Variants in DCUN1D2 observed in about 807,000 individuals in gnomAD.
The protein encoded by DCUN1D2 is defective in cullin neddylation 1 domain containing 2.
A neutral mutation model predicts 30.9 loss-of-function variants in DCUN1D2; 29 were observed. That is an observed-to-expected ratio of 0.94 (90% CI 0.70 to 1.28). DCUN1D2 has a LOEUF of 1.28. DCUN1D2 is among the 50% of genes most tolerant of loss of function. The pLI is 0.00. For missense variants in DCUN1D2, 325 were observed against 316.9 expected, an observed-to-expected ratio of 1.03 and a Z score of -0.19; for synonymous variants, 121 against 115.3, an observed-to-expected ratio of 1.05 and a Z score of -0.32.
intron 4 of DCUN1D2, among the ~76,000 whole-genome samples, chr13:113,465,669 CT>C (rs5806991): frequency 0.18 from 24,986 of 135,902 alleles, 2,711 homozygotes; most frequent in East Asian, 0.33. Flanking sequence ...TGTCTATTTG[CT>C]TTTTTTTTTT....
intron 2 of DCUN1D2, among the ~76,000 whole-genome samples, chr13:113,483,552 C>T (rs2044746195): frequency 6.6e-6 from 1 of 152,226 alleles, no homozygotes; most frequent in African/African-American, 2.4e-5. Flanking sequence ...TTTTCCCTGA[C>T]AGGCTGTGCA....
At chr13:113,468,017 C>T (rs1299639328) in intron 4 of DCUN1D2, among the ~76,000 whole-genome samples, 1 of 147,984 alleles carries the variant, frequency 6.8e-6, no homozygotes. Flanking sequence ...GCACTCCAGC[C>T]TGGGCGACAG....
chr13:113,485,040 TG>T (rs2044777095), intron 1 of DCUN1D2, among the ~76,000 whole-genome samples: 1 of 151,974 alleles, frequency 6.6e-6, no homozygotes, highest in African/African-American at 2.4e-5. Context: ...ATCGTGCCAC[TG>T]CACTCCAGCC....
At position 113,484,041 on chromosome 13, in the gene DCUN1D2, A is replaced by C. The variant is rs754862555; in HGVS notation, c.19T>G (p.Ser7Ala). MHKLKS[S>A]QKDKVRQFMA... ...AACTGGCGGACCTTGTCCTTCTGAG[A>C]CGATTTAAGCTTATGCTTTGGGATG... The change falls in exon 2 of 7, where the codon TCT (serine) becomes GCT (alanine). Residue 7 changes from serine to alanine, a missense_variant. Ser to Ala is a moderately conservative substitution (Grantham distance 99). Transcript: ENST00000478244. 3 of 1,613,904 alleles carry C rather than the reference A, an allele frequency of 1.9e-6. No homozygotes were observed. The South Asian group carries it at 3.3e-5, about 18-fold the overall frequency.
intron 2 of DCUN1D2, among the ~76,000 whole-genome samples, chr13:113,483,104 A>G (rs2044738458): frequency 6.6e-6 from 1 of 152,224 alleles, no homozygotes; most frequent in African/African-American, 2.4e-5. Flanking sequence ...AGAAAGAAAA[A>G]GCAAAATAAG....
In DCUN1D2 at chr13:113,480,427, T is replaced by G. The variant is rs572390484; in HGVS notation, c.389+148A>C. The G allele has an allele frequency of 1.9e-5, 11 of 572,816 alleles. No individual in the cohort carries two copies. The South Asian group carries it at 4.4e-4, about 23-fold the overall frequency. 35.5% of individuals were successfully genotyped at this position (572,816 alleles called of 1,614,324 possible). ...AATTAAAAGGAAACCAAAGGCTTGA[T>G]AGTGCGGAGAGTACAGACGCATAAG... On this transcript the variant is annotated intron_variant, in intron 3 of 6. Coordinates refer to ENST00000478244, the MANE Select transcript of DCUN1D2 (RefSeq NM_001014283.2).
At chr13:113,474,102 C>A in intron 4 of DCUN1D2, 22 bp downstream of exon 4, 2 of 1,602,356 alleles carry the variant, frequency 1.2e-6, no homozygotes, top group Non-Finnish European at 1.7e-6. Flanking sequence ...TGGCATTTTA[C>A]GTATTTGGAT....
chr13:113,461,170 C>A (rs994284839), intron 4 of DCUN1D2, 34 bp from the exon 5 acceptor site: 19 of 1,385,362 alleles, frequency 1.4e-5, no homozygotes, highest in Non-Finnish European at 1.8e-5. Flanking sequence ...GTTAGTAAAT[C>A]TCACTCTCTT....
intron 2 of DCUN1D2, among the ~76,000 whole-genome samples, chr13:113,481,876 A>AAAG (rs1249486846): frequency 1.3e-5 from 2 of 151,946 alleles, no homozygotes; most frequent in African/African-American, 4.8e-5. Context: ...AAAAAAAAAA[A>AAAG]AAAAGAAAAA....
At chr13:113,467,914 T>C (rs1005578127) in intron 4 of DCUN1D2, among the ~76,000 whole-genome samples, 13 of 151,632 alleles carry the variant, frequency 8.6e-5, no homozygotes, top group African/African-American at 3.1e-4. Context: ...CGTGGTGGTG[T>C]ATGCCTGTAA....
At chr13:113,474,427 G>T (rs577199390) in intron 3 of DCUN1D2, among the ~76,000 whole-genome samples, 173 bp from the exon 4 acceptor site, 108 of 152,224 alleles carry the variant, frequency 7.1e-4, no homozygotes, top group Non-Finnish European at 1.4e-3. Flanking sequence ...AAGAGAAGAT[G>T]GGGGGGCAAC....
intron 4 of DCUN1D2, among the ~76,000 whole-genome samples, chr13:113,465,386 T>A (rs1015121580): frequency 6.6e-6 from 1 of 152,090 alleles, no homozygotes; most frequent in African/African-American, 2.4e-5. Flanking sequence ...TGAAAAATCA[T>A]GATCGTTACA....
chr13:113,483,380 A>G (rs2044743480), intron 2 of DCUN1D2, among the ~76,000 whole-genome samples: 1 of 152,234 alleles, frequency 6.6e-6, no homozygotes, highest in Non-Finnish European at 1.5e-5. Context: ...TACCCGGGCA[A>G]GGAAAACACT....
rs2044254349 is a variant in DCUN1D2, at chr13:113,458,057, A to C, written c.752T>G (p.Val251Gly). ...GAAAAGGCTGCGTTTTCCACCTGTG[A>C]CTACTGGCCGTGCATATTCTACAAA... is the stretch of plus-strand genomic sequence containing the variant. ...DDFVEYARPV[V>G]TGGKRSLF The change falls in exon 7 of 7, where the codon GTC (valine) becomes GGC (glycine). Residue 251 changes from valine to glycine, a missense_variant. Coordinates refer to ENST00000478244, the MANE Select transcript of DCUN1D2 (RefSeq NM_001014283.2). 1 of 1,614,120 alleles carries C rather than the reference A, an allele frequency of 6.2e-7. No homozygotes were observed. The highest frequency in any genetic ancestry group is 8.5e-7 in the Non-Finnish European group (1 of 1,180,052).
chr13:113,461,840 G>A (rs928675155), intron 4 of DCUN1D2, among the ~76,000 whole-genome samples: 10 of 152,180 alleles, frequency 6.6e-5, no homozygotes, highest in African/African-American at 2.4e-4. Context: ...TTTCAGGGCT[G>A]TCTCCAATCC....
chr13:113,466,239 T>C (rs570384172), intron 4 of DCUN1D2, among the ~76,000 whole-genome samples: 129 of 152,298 alleles, frequency 8.5e-4, no homozygotes, highest in African/African-American at 3.1e-3. Flanking sequence ...AGTTACTGAG[T>C]AATCAGGGTC....
At chr13:113,483,483 A>C (rs2259812) in intron 2 of DCUN1D2, among the ~76,000 whole-genome samples, 29,644 of 152,154 alleles carry the variant, frequency 0.19, 3,798 homozygotes, top group African/African-American at 0.37. Flanking sequence ...AAGTGCTTGA[A>C]AAAAATACTG....
chr13:113,461,000 C>T lies in DCUN1D2; in HGVS notation c.603+54G>A. 4 of 1,187,116 alleles carry T rather than the reference C, an allele frequency of 3.4e-6. 1 individual carries two copies. The South Asian group carries it at 3.9e-5, about 12-fold the overall frequency. 73.5% of individuals were successfully genotyped at this position (1,187,116 alleles called of 1,614,324 possible). On this transcript the variant is annotated intron_variant, in intron 5 of 6. Coordinates refer to ENST00000478244, the MANE Select transcript of DCUN1D2 (RefSeq NM_001014283.2). ...GTGGATGATTACATGCAGCCTCATA[C>T]CTACCGACTTCCCTCCACAGTGGGC...
intron 2 of DCUN1D2, 83 bp downstream of exon 2, chr13:113,483,757 C>G: frequency 7.1e-7 from 1 of 1,399,756 alleles, no homozygotes; most frequent in Non-Finnish European, 9.8e-7. Context: ...AGACCTGCCC[C>G]GGCACCAGAA....
Sources: allele counts gnomAD v4.1 joint callset (sites outside exome capture counted in the v4.1 genomes callset), GRCh38; gene constraint gnomAD v4.1.1; transcripts MANE v1.5; gene names NCBI Gene and HGNC (gene_info 2026-07-23, HGNC 2026-07-21).